Variants in SLC6A13 observed in about 807,000 individuals in gnomAD.
The protein encoded by SLC6A13 is solute carrier family 6 member 13.
SLC6A13 carries 69 observed loss-of-function variants against 72.9 expected under a neutral mutation model. That is an observed-to-expected ratio of 0.95 (90% CI 0.78 to 1.16). The LOEUF is 1.16. Among genes scored for constraint, SLC6A13 ranks in the 50% most tolerant of loss-of-function variants. SLC6A13 has a pLI of 0.00. For synonymous variants in SLC6A13, 303 were observed against 303.0 expected (o/e 1.00, Z 0.00); for missense variants, 735 against 760.5 (o/e 0.97, Z 0.39).
intron 7 of SLC6A13, among the ~76,000 whole-genome samples, chr12:234,027 G>A (rs907324802): frequency 6.6e-6 from 1 of 152,090 alleles, no homozygotes; most frequent in African/African-American, 2.4e-5. Context: ...GATAAAACAG[G>A]TTTCAGTAAA....
In SLC6A13 at chr12:240,866, A is replaced by T. The variant is rs79188999; in HGVS notation, c.478+1748T>A. Among the ~76,000 whole-genome samples the T allele has an allele frequency of 3.8e-3, 585 of 152,344 alleles. 4 individuals are homozygous for T. The highest frequency in any genetic ancestry group is 0.013 in the African/African-American group (554 of 41,578). ...CGTGCCTGGAAGGGGAGCATCAAGT[A>T]CAAGGTGAGAGAGGTAAAGGTGAGG... On this transcript the variant is annotated intron_variant, in intron 4 of 14. Transcript: ENST00000343164.
At chr12:227,938 C>T (rs1027663481) in intron 7 of SLC6A13, among the ~76,000 whole-genome samples, 3 of 152,130 alleles carry the variant, frequency 2.0e-5, no homozygotes, top group South Asian at 4.1e-4. Flanking sequence ...ATGGTGGAAG[C>T]GTGTAGGAGG....
intron 2 of SLC6A13, among the ~76,000 whole-genome samples, chr12:250,530 C>T (rs145006269): frequency 1.2e-4 from 18 of 152,016 alleles, no homozygotes; most frequent in African/African-American, 3.4e-4. Context: ...GGAAATAATA[C>T]CATTTACAAT....
chr12:224,578 T>C (rs1941362548), intron 9 of SLC6A13, 65 bp from the exon 10 acceptor site: 3 of 1,336,600 alleles, frequency 2.2e-6, no homozygotes, highest in African/African-American at 1.4e-5. Flanking sequence ...GGGTGACCCA[T>C]GGCTTCCCAG....
chr12:238,232 G>A, intron 4 of SLC6A13: 1 of 1,513,644 alleles, frequency 6.6e-7, no homozygotes, highest in Non-Finnish European at 8.8e-7. Flanking sequence ...AGATGCTTGG[G>A]TATACATTCT....
At chr12:230,026 G>A (rs1247585552) in intron 7 of SLC6A13, among the ~76,000 whole-genome samples, 2 of 152,080 alleles carry the variant, frequency 1.3e-5, no homozygotes, top group African/African-American at 2.4e-5. Context: ...CCCCCTCGCT[G>A]GGAGCTTGGC....
chr12:235,911 C>T (rs548164538), intron 6 of SLC6A13, among the ~76,000 whole-genome samples: 1 of 152,248 alleles, frequency 6.6e-6, no homozygotes, highest in East Asian at 1.9e-4. Context: ...GAGATAAGGA[C>T]TGAGATATGC....
At chr12:223,094 A>G (rs374114516) in intron 12 of SLC6A13, 38 bp downstream of exon 12, 8 of 1,277,544 alleles carry the variant, frequency 6.3e-6, no homozygotes, top group African/African-American at 1.5e-5. Flanking sequence ...CCCTTAGACA[A>G]GAGGAGGATG....
chr12:247,696 T>C (rs1942401620), intron 2 of SLC6A13, among the ~76,000 whole-genome samples: 1 of 152,086 alleles, frequency 6.6e-6, no homozygotes, highest in Admixed American at 6.5e-5. Flanking sequence ...TAGATAAACA[T>C]AGAGAATGTT....
At chr12:239,304 T>C (rs1161276197) in intron 4 of SLC6A13, among the ~76,000 whole-genome samples, 1 of 133,668 alleles carries the variant, frequency 7.5e-6, no homozygotes, top group African/African-American at 2.7e-5. Flanking sequence ...ACGTGGGGTG[T>C]GTTGGATCCA....
Position 224,032 on chromosome 12 carries a change from G to A in SLC6A13, c.1271C>T (p.Ser424Phe). Residue 424 changes from serine to phenylalanine, a missense_variant, in exon 11 of 15, where the codon TCT (serine) becomes TTT (phenylalanine). Ser to Phe is a radical substitution (Grantham distance 155, BLOSUM62 -2). Transcript: ENST00000343164. ...CAGCCCCACAAGGAAGGAGACGACA[G>A]ATACTCCAAGGATGAGGACTTCCCT... Reference protein sequence around the residue: ...NRREVLILGVSVVSFLVGLIM... With the variant: ...NRREVLILGVFVVSFLVGLIM... 6.2e-7 allele frequency: 1 copy of A among 1,613,722 alleles called. No homozygotes were observed. Among genetic ancestry groups the A allele is most frequent in the Admixed American group, 1.7e-5 (1 of 59,988 alleles).
chr12:231,802 T>C (rs755608147), intron 7 of SLC6A13, among the ~76,000 whole-genome samples: 2 of 152,238 alleles, frequency 1.3e-5, no homozygotes, highest in Non-Finnish European at 2.9e-5. Context: ...GAAGCTGTTA[T>C]ATACCAAACA....
rs1293674194 is a variant in SLC6A13 at position 221,464 on chromosome 12, A to G, written c.1598T>C (p.Leu533Pro). ...KYTYPWWGDA[L>P]GWLLALSSMV... is the part of the protein sequence containing the mutation. ...GGAGGACAGAGCCAGGAGCCAGCCC[A>G]GGGCATCGCCCCACCACGGGTACGT... is the stretch of plus-strand genomic sequence containing the variant. The change falls in exon 14 of 15, where the codon CTG becomes CCG. Residue 533 changes from leucine to proline, a missense_variant. By Grantham distance (98) the Leu-to-Pro change is moderately conservative. Coordinates refer to ENST00000343164, the MANE Select transcript of SLC6A13 (RefSeq NM_016615.5). 6.2e-7 allele frequency: 1 copy of G among 1,613,934 alleles called. No homozygotes were observed. Among genetic ancestry groups the G allele is most frequent in the South Asian group, 1.1e-5 (1 of 91,064 alleles).
intron 4 of SLC6A13, 104 bp from the exon 5 acceptor site, chr12:238,114 T>G: frequency 6.4e-7 from 1 of 1,565,404 alleles, no homozygotes; most frequent in South Asian, 1.2e-5. Flanking sequence ...AAGGAAGGTA[T>G]TTGGCAGGAG....
chr12:243,708 G>A lies in SLC6A13; in HGVS notation c.308C>T (p.Ala103Val). ...AAAGATGGGGCAGATCTTCCTCCAG[G>A]CTGTGACGCCTCCCTGGCTAGTGTA... is the stretch of plus-strand genomic sequence containing the variant. Reference protein sequence around the residue: ...GQYTSQGGVTAWRKICPIFEG... With the variant: ...GQYTSQGGVTVWRKICPIFEG... Residue 103 changes from alanine (A) to valine (V), a missense_variant, in exon 3 of 15, where the codon GCC (alanine) becomes GTC (valine). Coordinates refer to ENST00000343164, the MANE Select transcript of SLC6A13 (RefSeq NM_016615.5). 4.3e-6 allele frequency: 7 copies of A among 1,614,134 alleles called. No homozygotes were observed. Among genetic ancestry groups the A allele is most frequent in the African/African-American group, 1.3e-5 (1 of 75,050 alleles).
intron 4 of SLC6A13, 50 bp from the exon 5 acceptor site, chr12:238,060 CTA>C: frequency 3.8e-6 from 6 of 1,591,194 alleles, no homozygotes; most frequent in South Asian, 1.1e-5. Context: ...ATCAGCCAGC[CTA>C]TGACACAACT....
At chr12:222,194 C>T (rs760735914) in intron 13 of SLC6A13, among the ~76,000 whole-genome samples, 1 of 152,180 alleles carries the variant, frequency 6.6e-6, no homozygotes, top group Non-Finnish European at 1.5e-5. Context: ...AAAGTCAGGG[C>T]TCTATACCGG....
At chr12:227,453 AG>A in intron 8 of SLC6A13, 111 bp downstream of exon 8, 11 of 1,538,668 alleles carry the variant, frequency 7.1e-6, no homozygotes, top group Admixed American at 5.9e-5. Flanking sequence ...GGGTGTAGAC[AG>A]GGGGGCAGAT....
At chr12:256,468 C>G (rs1942750520) in intron 2 of SLC6A13, 1 of 152,286 alleles carries the variant, frequency 6.6e-6, no homozygotes, top group East Asian at 1.9e-4. Flanking sequence ...ATCCCTCTCA[C>G]TCACCTCCCT....
Sources: allele counts gnomAD v4.1 joint callset (sites outside exome capture counted in the v4.1 genomes callset), GRCh38; gene constraint gnomAD v4.1.1; transcripts MANE v1.5; gene names NCBI Gene and HGNC (gene_info 2026-07-23, HGNC 2026-07-21).